Variants in DYNC1I1 observed in about 807,000 individuals in gnomAD.
DYNC1I1 encodes cytoplasmic dynein 1 intermediate chain 1.
A neutral mutation model predicts 86.6 loss-of-function variants in DYNC1I1; 43 were observed. That is an observed-to-expected ratio of 0.50 (90% CI 0.39 to 0.64). DYNC1I1 has a LOEUF of 0.64. DYNC1I1 is among the 30% of genes least tolerant of loss of function. The probability of loss-of-function intolerance (pLI) is 0.00; values close to 1 mark genes in which losing one functional copy is unlikely to be tolerated. For missense variants in DYNC1I1, 604 were observed against 788.8 expected (o/e 0.77, Z 2.81); for synonymous variants, 262 against 283.7 (o/e 0.92, Z 0.77).
chr7:95,979,539 C>G (rs1163125151), intron 7 of DYNC1I1, among the ~76,000 whole-genome samples: 2 of 152,144 alleles, frequency 1.3e-5, no homozygotes, highest in Non-Finnish European at 2.9e-5. Flanking sequence ...TCAGCTTTGC[C>G]ATAGCCCATA....
rs560267428 is a variant in DYNC1I1 at position 96,059,533 on chromosome 7, A to G, written c.1510-16524A>G. ...ACAAGTAAATTTCAGAAAGTAAGAG[A>G]ATTTGCAACCATGGAATCCATAAAA... On this transcript the variant is annotated intron_variant, in intron 14 of 16. Transcript: ENST00000447467. Among the ~76,000 whole-genome samples, 15 of 152,270 alleles carry G rather than the reference A, an allele frequency of 9.9e-5. No individual in the cohort carries two copies. The East Asian group carries it at 2.7e-3, about 27-fold the overall frequency.
intron 16 of DYNC1I1, among the ~76,000 whole-genome samples, chr7:96,096,348 C>A (rs1791004875): frequency 6.6e-6 from 1 of 151,982 alleles, no homozygotes; most frequent in Admixed American, 6.6e-5. Context: ...ATTGAGATGG[C>A]TGTATGTTCT....
intron 6 of DYNC1I1, among the ~76,000 whole-genome samples, chr7:95,924,420 G>C (rs966998435): frequency 1.3e-5 from 2 of 152,032 alleles, no homozygotes; most frequent in African/African-American, 4.8e-5. Flanking sequence ...TTTTTATATC[G>C]GTTATGTACG....
chr7:95,815,591 T>C (rs200699658), intron 4 of DYNC1I1, among the ~76,000 whole-genome samples: 2 of 152,320 alleles, frequency 1.3e-5, no homozygotes, highest in East Asian at 3.9e-4. Flanking sequence ...ATTTCAGTTT[T>C]TTTAAATTCC....
At chr7:95,918,983 C>T (rs1015300807) in intron 6 of DYNC1I1, among the ~76,000 whole-genome samples, 2 of 152,070 alleles carry the variant, frequency 1.3e-5, no homozygotes, top group Admixed American at 1.3e-4. Context: ...GTTTTTTACT[C>T]TAGCCTTTGA....
At chr7:95,819,863 T>G (rs981559873) in intron 4 of DYNC1I1, among the ~76,000 whole-genome samples, 5 of 152,242 alleles carry the variant, frequency 3.3e-5, no homozygotes, top group African/African-American at 1.2e-4. Context: ...TCAGGCAAAG[T>G]GTGCTCTATG....
intron 16 of DYNC1I1, among the ~76,000 whole-genome samples, chr7:96,093,894 A>G (rs540515367): frequency 2.0e-5 from 3 of 152,334 alleles, no homozygotes; most frequent in Admixed American, 2.0e-4. Flanking sequence ...TCTCAGAGAA[A>G]AAATCCATAG....
chr7:95,988,939 G>T (rs577523287), intron 9 of DYNC1I1, among the ~76,000 whole-genome samples: 38 of 152,244 alleles, frequency 2.5e-4, no homozygotes, highest in African/African-American at 9.1e-4. Context: ...CTCAACTAGG[G>T]TATGGTATAG....
At chr7:95,815,766 A>C (rs1022671023) in intron 4 of DYNC1I1, among the ~76,000 whole-genome samples, 2 of 152,204 alleles carry the variant, frequency 1.3e-5, no homozygotes, top group Non-Finnish European at 2.9e-5. Flanking sequence ...CTCTTCAAAA[A>C]ATGGTAAATC....
At chr7:96,015,001 T>C (rs1440501892) in intron 10 of DYNC1I1, among the ~76,000 whole-genome samples, 1 of 152,140 alleles carries the variant, frequency 6.6e-6, no homozygotes, top group Non-Finnish European at 1.5e-5. Context: ...TTTCAACTCC[T>C]GGAGAATTGC....
chr7:95,809,367 AC>A (rs1167406982), intron 2 of DYNC1I1, among the ~76,000 whole-genome samples: 1 of 152,174 alleles, frequency 6.6e-6, no homozygotes, highest in Non-Finnish European at 1.5e-5. Flanking sequence ...TTGTTAGCAT[AC>A]CCAGCTTTCC....
intron 6 of DYNC1I1, among the ~76,000 whole-genome samples, chr7:95,950,755 G>T (rs370931620): frequency 3.2e-4 from 48 of 152,270 alleles, no homozygotes; most frequent in African/African-American, 1.1e-3. Context: ...CTCAGAAAAT[G>T]GAAGTGAAAA....
intron 6 of DYNC1I1, among the ~76,000 whole-genome samples, chr7:95,959,551 G>T (rs1218375312): frequency 6.6e-6 from 1 of 152,146 alleles, no homozygotes; most frequent in African/African-American, 2.4e-5. Flanking sequence ...GACAGTGACT[G>T]GTTCTCAATC....
chr7:96,021,321 A>G (rs1794544512), intron 10 of DYNC1I1, among the ~76,000 whole-genome samples: 1 of 152,138 alleles, frequency 6.6e-6, no homozygotes, highest in Non-Finnish European at 1.5e-5. Context: ...GGGTCTGCCA[A>G]TCCTCCCTTT....
At chr7:95,776,038 G>T (rs1340514019) in intron 1 of DYNC1I1, among the ~76,000 whole-genome samples, 1 of 152,196 alleles carries the variant, frequency 6.6e-6, no homozygotes, top group East Asian at 1.9e-4. Flanking sequence ...TTGAGGCCAG[G>T]AGTTAGAGAC....
At chr7:96,082,966 A>T (rs905540125) in intron 16 of DYNC1I1, among the ~76,000 whole-genome samples, 3 of 152,152 alleles carry the variant, frequency 2.0e-5, no homozygotes, top group Admixed American at 2.0e-4. Context: ...AGACTATAGA[A>T]ATGTCTGCAA....
At chr7:95,986,092 A>T (rs953135549) in intron 8 of DYNC1I1, among the ~76,000 whole-genome samples, 9 of 144,814 alleles carry the variant, frequency 6.2e-5, no homozygotes, top group Non-Finnish European at 1.3e-4. Context: ...GGCGGAGCTG[A>T]GGAAGGGTTA....
At chr7:95,786,303 G>A (rs950024907) in intron 1 of DYNC1I1, among the ~76,000 whole-genome samples, 3 of 152,102 alleles carry the variant, frequency 2.0e-5, no homozygotes, top group Admixed American at 1.3e-4. Flanking sequence ...CATAGGAAAT[G>A]ATCCCCAGTT....
At chr7:96,042,807 T>C (rs1292429423) in intron 14 of DYNC1I1, among the ~76,000 whole-genome samples, 1 of 152,112 alleles carries the variant, frequency 6.6e-6, no homozygotes, top group Non-Finnish European at 1.5e-5. Context: ...TGAATTGTAT[T>C]TCAGGGTTAC....
Sources: gnomAD v4.1 joint callset for allele counts (sites outside exome capture counted in the v4.1 genomes callset) on GRCh38, gnomAD v4.1.1 for gene constraint, MANE v1.5 for transcripts, NCBI Gene and HGNC (gene_info 2026-07-23, HGNC 2026-07-21) for gene names.